GLIS3: variants seen among roughly 807,000 people sequenced by gnomAD.
The protein encoded by GLIS3 is GLIS family zinc finger 3, also known as zinc finger protein GLIS3.
In GLIS3, 53 loss-of-function variants were observed where a neutral mutation model predicts 78.6. The observed-to-expected ratio is 0.67, with a 90% CI of 0.54 to 0.85. The LOEUF (loss-of-function observed/expected upper bound fraction) is 0.85, where lower values mean the gene tolerates loss of function less well. GLIS3 is among the 40% of genes least tolerant of loss of function. The pLI, the probability that GLIS3 is intolerant of heterozygous loss-of-function variation, is 0.00. For synonymous variants in GLIS3, 684 were observed against 509.9 expected (o/e 1.34, Z -4.60); for missense variants, 1,703 against 1,231.1 (o/e 1.38, Z -5.74).
chr9:3,896,309 A>C (rs1445810898), intron 7 of GLIS3, among the ~76,000 whole-genome samples: 1 of 152,174 alleles, frequency 6.6e-6, no homozygotes, highest in African/African-American at 2.4e-5. Flanking sequence ...AAAAGGCGTA[A>C]CATTTTTTTA....
intron 6 of GLIS3, among the ~76,000 whole-genome samples, chr9:3,907,528 C>T (rs1039927774): frequency 4.6e-5 from 7 of 151,752 alleles, no homozygotes; most frequent in South Asian, 2.1e-4. Flanking sequence ...AATGTGCTGC[C>T]GCCCCTCAGC....
intron 2 of GLIS3, among the ~76,000 whole-genome samples, chr9:4,163,594 T>C (rs1247321540): frequency 6.6e-6 from 1 of 152,238 alleles, no homozygotes; most frequent in Non-Finnish European, 1.5e-5. Context: ...GTTTGGAGTG[T>C]GAACACTGAA....
In GLIS3 at chr9:4,260,665, G is replaced by A. The variant is rs1825436914; in HGVS notation, c.388+25373C>T. Among the ~76,000 whole-genome samples the A allele has an allele frequency of 2.0e-5, 3 of 151,912 alleles. No individual in the cohort carries two copies. In the South Asian group the frequency reaches 6.2e-4, roughly 32 times the overall value. On this transcript the variant is annotated intron_variant, in intron 2 of 10. Transcript: ENST00000381971. ...GGAGGCTGAGGCACAAGAATCTGTT[G>A]AACCCGGGAGGCGGAGGTTGCAGTG... is the stretch of plus-strand genomic sequence containing the variant.
rs1031337527 is a variant in GLIS3, at chr9:4,056,678, C to A, written c.1710+61090G>T. Reference sequence around the variant, plus strand: ...GAGAAAAGAGAGACAAATTCAGACACACATGCACGTGTGCATATATATACA... The same window carrying A: ...GAGAAAAGAGAGACAAATTCAGACAAACATGCACGTGTGCATATATATACA... On this transcript the variant is annotated intron_variant, in intron 4 of 10. Transcript: ENST00000381971. Among the ~76,000 whole-genome samples the A allele has an allele frequency of 3.3e-5, 5 of 152,100 alleles. No homozygotes were observed. In the East Asian group the frequency reaches 9.6e-4, roughly 29 times the overall value.
At chr9:4,390,733 G>A in the GLIS3 span, among the ~76,000 whole-genome samples, 25 of 152,130 alleles carry the variant, frequency 1.6e-4, no homozygotes, top group African/African-American at 5.5e-4. Flanking sequence ...GTCCACTGTG[G>A]GACAGGACAG....
chr9:3,985,019 T>C (rs984625432), intron 4 of GLIS3, among the ~76,000 whole-genome samples: 2 of 152,082 alleles, frequency 1.3e-5, no homozygotes, highest in East Asian at 3.9e-4. Flanking sequence ...ATTAAACCTC[T>C]TTCTTTTGTA....
At chr9:4,119,359 T>A (rs1017189512) in intron 3 of GLIS3, among the ~76,000 whole-genome samples, 16 of 152,172 alleles carry the variant, frequency 1.1e-4, no homozygotes, top group African/African-American at 3.6e-4. Flanking sequence ...TATAAACTCA[T>A]GCTTTATTTG....
intron 2 of GLIS3, among the ~76,000 whole-genome samples, chr9:4,205,389 T>G (rs191691205): frequency 6.6e-6 from 1 of 152,126 alleles, no homozygotes; most frequent in African/African-American, 2.4e-5. Flanking sequence ...TGGCCAGAGT[T>G]ACGAATTGGT....
At chr9:3,989,388 T>G (rs1259866166) in intron 4 of GLIS3, among the ~76,000 whole-genome samples, 4 of 152,220 alleles carry the variant, frequency 2.6e-5, no homozygotes, top group Non-Finnish European at 5.9e-5. Context: ...ATTGTAGTGG[T>G]GGATAATTAT....
At chr9:3,869,690 T>C (rs68037291) in intron 8 of GLIS3, among the ~76,000 whole-genome samples, 34,361 of 152,138 alleles carry the variant, frequency 0.23, 4,060 homozygotes, top group Non-Finnish European at 0.24. Context: ...TTCTTAGGCA[T>C]TCCCCTCATT....
At chr9:3,867,432 A>C (rs1311930424) in intron 8 of GLIS3, among the ~76,000 whole-genome samples, 1 of 152,200 alleles carries the variant, frequency 6.6e-6, no homozygotes, top group Non-Finnish European at 1.5e-5. Context: ...CAATGACCTA[A>C]CTGATATTTG....
chr9:3,864,266 A>ACATAG (rs1405689845), intron 8 of GLIS3, among the ~76,000 whole-genome samples: 1 of 152,244 alleles, frequency 6.6e-6, no homozygotes, highest in Admixed American at 6.5e-5. Flanking sequence ...ATGGTGTCAG[A>ACATAG]CATAGCGTTC....
At chr9:4,358,466 A>T in the GLIS3 span, among the ~76,000 whole-genome samples, 60 of 152,190 alleles carry the variant, frequency 3.9e-4, no homozygotes, top group African/African-American at 1.4e-3. Flanking sequence ...TTTTGCTGGT[A>T]GTATAATTGG....
chr9:4,242,829 T>C (rs893743903), intron 2 of GLIS3, among the ~76,000 whole-genome samples: 7 of 152,170 alleles, frequency 4.6e-5, no homozygotes, highest in African/African-American at 1.4e-4. Flanking sequence ...TAGATAAAAA[T>C]GTATTACATA....
At chr9:3,936,124 G>A (rs765495738) in intron 5 of GLIS3, among the ~76,000 whole-genome samples, 17 of 152,214 alleles carry the variant, frequency 1.1e-4, no homozygotes, top group South Asian at 4.1e-4. Flanking sequence ...TGTTAACACC[G>A]AAAAAGTACT....
At chr9:4,213,594 G>T (rs1820556980) in intron 2 of GLIS3, among the ~76,000 whole-genome samples, 1 of 152,106 alleles carries the variant, frequency 6.6e-6, no homozygotes, top group Non-Finnish European at 1.5e-5. Context: ...AATTTACGTA[G>T]CCACATGTGG....
the GLIS3 span, among the ~76,000 whole-genome samples, chr9:4,389,417 G>T: frequency 1.3e-5 from 2 of 152,108 alleles, no homozygotes; most frequent in Non-Finnish European, 2.9e-5. Context: ...TGAGGGAAGG[G>T]GATTCATTTT....
chr9:3,947,564 T>C (rs1378563817), intron 4 of GLIS3, among the ~76,000 whole-genome samples: 1 of 152,228 alleles, frequency 6.6e-6, no homozygotes, highest in African/African-American at 2.4e-5. Context: ...TTAAGATCTG[T>C]GTGCAGGGGT....
At chr9:4,272,793 A>T (rs1230161826) in intron 2 of GLIS3, among the ~76,000 whole-genome samples, 1 of 152,180 alleles carries the variant, frequency 6.6e-6, no homozygotes, top group African/African-American at 2.4e-5. Context: ...TAAGATTCTG[A>T]ATCTAAATGT....
Sources: allele counts gnomAD v4.1 joint callset (sites outside exome capture counted in the v4.1 genomes callset), GRCh38; gene constraint gnomAD v4.1.1; transcripts MANE v1.5; gene names NCBI Gene and HGNC (gene_info 2026-07-23, HGNC 2026-07-21).